Variants in NCOA2 observed in about 807,000 individuals in gnomAD.
The protein encoded by NCOA2 is class E basic helix-loop-helix protein 75.
In NCOA2, 21 loss-of-function variants were observed where a neutral mutation model predicts 145.1. The ratio of observed to expected loss-of-function variants is 0.14; its 90% CI spans 0.10 to 0.21. The LOEUF (loss-of-function observed/expected upper bound fraction) is 0.21, where lower values mean the gene tolerates loss of function less well. NCOA2 is among the 10% of genes least tolerant of loss of function. The pLI is 1.00. For synonymous variants in NCOA2, 619 were observed against 637.5 expected (o/e 0.97, Z 0.44); for missense variants, 1,472 against 1,837.6 (o/e 0.80, Z 3.64).
chr8:70,383,288 A>G (rs1291665292), intron 1 of NCOA2, among the ~76,000 whole-genome samples: 1 of 152,208 alleles, frequency 6.6e-6, no homozygotes, highest in Admixed American at 6.5e-5. Context: ...GAGGAGCTGG[A>G]CCAGGAATTA....
intron 1 of NCOA2, among the ~76,000 whole-genome samples, chr8:70,321,874 A>G (rs1313066098): frequency 7.4e-6 from 1 of 135,684 alleles, no homozygotes; most frequent in Non-Finnish European, 1.5e-5. Context: ...GTGGCCTGTA[A>G]TCCCAGCACT....
chr8:70,127,910 CCTGTTGGTGATTTTG>C (rs1469513533), intron 18 of NCOA2, among the ~76,000 whole-genome samples: 1 of 152,044 alleles, frequency 6.6e-6, no homozygotes, highest in African/African-American at 2.4e-5. Flanking sequence ...TTTTGCTTTT[CCTGTTGGTGATTTTG>C]CTGCTTAAAC....
At chr8:70,244,607 T>G (rs1233730422) in intron 2 of NCOA2, among the ~76,000 whole-genome samples, 2 of 151,914 alleles carry the variant, frequency 1.3e-5, no homozygotes, top group Non-Finnish European at 2.9e-5. Flanking sequence ...CCTTTAAGCT[T>G]GAAATTAGAA....
the NCOA2 span, among the ~76,000 whole-genome samples, chr8:70,412,380 T>C: frequency 1.3e-5 from 2 of 150,116 alleles, no homozygotes; most frequent in African/African-American, 4.9e-5. Flanking sequence ...GTACAAATAA[T>C]AGTAAAACAA....
chr8:70,154,591 A>C (rs1038905789), intron 11 of NCOA2, among the ~76,000 whole-genome samples: 5 of 152,208 alleles, frequency 3.3e-5, no homozygotes, highest in African/African-American at 1.2e-4. Context: ...TTTTCTAGAG[A>C]TGGGGTTTCA....
intron 15 of NCOA2, among the ~76,000 whole-genome samples, 160 bp from the exon 16 acceptor site, chr8:70,132,162 C>T (rs980243402): frequency 6.6e-6 from 1 of 152,192 alleles, no homozygotes; most frequent in Non-Finnish European, 1.5e-5. Flanking sequence ...CTGAAATATT[C>T]GATACACTTT....
chr8:70,414,214 T>C, the NCOA2 span, among the ~76,000 whole-genome samples: 1 of 152,234 alleles, frequency 6.6e-6, no homozygotes, highest in Non-Finnish European at 1.5e-5. Context: ...GATTTACACA[T>C]GGTCAACTAA....
At chr8:70,249,794 C>A (rs1271356303) in intron 2 of NCOA2, among the ~76,000 whole-genome samples, 1 of 149,432 alleles carries the variant, frequency 6.7e-6, no homozygotes, top group African/African-American at 2.5e-5. Context: ...GAAACTCTGC[C>A]TCAACTAAAA....
At chr8:70,245,952 T>C (rs905276675) in intron 2 of NCOA2, among the ~76,000 whole-genome samples, 3 of 152,160 alleles carry the variant, frequency 2.0e-5, no homozygotes, top group Non-Finnish European at 2.9e-5. Flanking sequence ...AACATACTTT[T>C]TAACATCAAA....
intron 1 of NCOA2, among the ~76,000 whole-genome samples, chr8:70,313,856 A>G (rs1300824846): frequency 6.6e-6 from 1 of 152,180 alleles, no homozygotes; most frequent in Non-Finnish European, 1.5e-5. Context: ...TAACCAGGCC[A>G]TAAACAGAAA....
At chr8:70,422,722 A>C in the NCOA2 span, among the ~76,000 whole-genome samples, 2 of 152,136 alleles carry the variant, frequency 1.3e-5, no homozygotes, top group Non-Finnish European at 2.9e-5. Flanking sequence ...TTTTTAAAAA[A>C]AGTTCATGAG....
chr8:70,305,643 G>C (rs532995554), intron 1 of NCOA2, among the ~76,000 whole-genome samples: 1 of 152,116 alleles, frequency 6.6e-6, no homozygotes, highest in Admixed American at 6.5e-5. Context: ...AGCACCAAAT[G>C]AACAGTATTT....
At chr8:70,212,928 T>TA (rs950327532) in intron 4 of NCOA2, among the ~76,000 whole-genome samples, 131 of 151,318 alleles carry the variant, frequency 8.7e-4, no homozygotes, top group African/African-American at 3.1e-3. Context: ...CTAAAAATAC[T>TA]AAAAAATTAG....
chr8:70,241,181 G>A (rs1277787536), intron 2 of NCOA2, among the ~76,000 whole-genome samples: 3 of 152,132 alleles, frequency 2.0e-5, no homozygotes, highest in Admixed American at 2.0e-4. Flanking sequence ...AATGCAGTGA[G>A]TAAAGGACCT....
chr8:70,116,484 G>A (rs1807144691), intron 22 of NCOA2, among the ~76,000 whole-genome samples: 1 of 151,980 alleles, frequency 6.6e-6, no homozygotes, highest in African/African-American at 2.4e-5. Context: ...CTGGGAGACA[G>A]AGGCTGCAGT....
At chr8:70,326,166 T>G (rs1250281428) in intron 1 of NCOA2, among the ~76,000 whole-genome samples, 1 of 152,188 alleles carries the variant, frequency 6.6e-6, no homozygotes, top group Non-Finnish European at 1.5e-5. Context: ...TTCAAAGTAG[T>G]CTACTACATG....
At chr8:70,186,576 G>A (rs567799963) in intron 4 of NCOA2, among the ~76,000 whole-genome samples, 12 of 152,282 alleles carry the variant, frequency 7.9e-5, no homozygotes, top group African/African-American at 1.4e-4. Flanking sequence ...TAAATTCTGC[G>A]AAGTAAAGTC....
intron 1 of NCOA2, among the ~76,000 whole-genome samples, chr8:70,300,291 T>C (rs1297613189): frequency 1.3e-5 from 2 of 152,222 alleles, no homozygotes; most frequent in Non-Finnish European, 2.9e-5. Flanking sequence ...GTGCATTTTA[T>C]GGTCTGCAAA....
At chr8:70,264,904 G>A (rs768528037) in intron 2 of NCOA2, among the ~76,000 whole-genome samples, 5 of 151,820 alleles carry the variant, frequency 3.3e-5, no homozygotes, top group Non-Finnish European at 7.4e-5. Context: ...CTATTTAACT[G>A]AGCTTTAAAA....
Sources: gnomAD v4.1 joint callset for allele counts (sites outside exome capture counted in the v4.1 genomes callset) on GRCh38, gnomAD v4.1.1 for gene constraint, MANE v1.5 for transcripts, NCBI Gene and HGNC (gene_info 2026-07-23, HGNC 2026-07-21) for gene names.